SLC15A3: variants seen among roughly 807,000 people sequenced by gnomAD.
SLC15A3 encodes solute carrier family 15 member 3.
A neutral mutation model predicts 49.2 loss-of-function variants in SLC15A3; 39 were observed. The observed-to-expected ratio is 0.79, with a 90% CI of 0.61 to 1.04. The LOEUF is 1.04. SLC15A3 is among the 50% of genes least tolerant of loss of function. SLC15A3 has a pLI of 0.00. For synonymous variants in SLC15A3, 339 were observed against 367.0 expected (o/e 0.92, Z 0.87); for missense variants, 758 against 794.8 (o/e 0.95, Z 0.56).
chr11:60,938,035 G>T lies in SLC15A3; in HGVS notation c.1436-10C>A. 6.2e-7 allele frequency: 1 copy of T among 1,613,120 alleles called. No homozygotes were observed. On this transcript the variant is annotated splice_polypyrimidine_tract_variant and intron_variant, in intron 6 of 7. Coordinates refer to ENST00000227880, the MANE Select transcript of SLC15A3 (RefSeq NM_016582.3). ...TAGGCAAACTCCAGGCCTGCAGAGG[G>T]GGAGCAGAGACGATCTCAGGGGCTG...
Position 60,937,887 on chromosome 11 carries a change from T to A in SLC15A3, c.1574A>T (p.His525Leu). 6.2e-7 allele frequency: 1 copy of A among 1,614,128 alleles called. No individual in the cohort carries two copies. Among genetic ancestry groups the A allele is most frequent in the South Asian group, 1.1e-5 (1 of 91,088 alleles). The change falls in exon 7 of 8, where the codon CAC (histidine) becomes CTC (leucine). Residue 525 changes from histidine (H) to leucine (L), a missense_variant. This residue lies in a region of SLC15A3 where 699 missense variants were observed against 706.7 expected (regional missense o/e 0.99). Coordinates refer to ENST00000227880, the MANE Select transcript of SLC15A3 (RefSeq NM_016582.3). ...ATACTCACCAAAGTCCTTGGGGCAG[T>A]GCAGCCAGCCCCCGGGCAAGGACAG... ...ALLSLPGGWL[H>L]CPKDFGNINN...
Position 60,937,865 on chromosome 11 carries a change from C to T in SLC15A3, c.1591+5G>A, listed in dbSNP as rs1856644137. ...GTCCCACTCCTGGGGAGGCCCCATA[C>T]TCACCAAAGTCCTTGGGGCAGTGCA... On this transcript the variant is annotated splice_donor_5th_base_variant and intron_variant, in intron 7 of 7. Coordinates refer to ENST00000227880, the MANE Select transcript of SLC15A3 (RefSeq NM_016582.3). 6 of 1,613,506 alleles carry T rather than the reference C, an allele frequency of 3.7e-6. No individual in the cohort carries two copies. Among genetic ancestry groups the T allele is most frequent in the Non-Finnish European group, 5.1e-6 (6 of 1,179,686 alleles).
intron 3 of SLC15A3, 47 bp from the exon 4 acceptor site, chr11:60,942,192 C>A: frequency 2.6e-6 from 4 of 1,514,050 alleles, no homozygotes; most frequent in Non-Finnish European, 2.8e-6. Flanking sequence ...CGGCCATGCC[C>A]CCTCCCAACT....
At chr11:60,939,761 G>T in intron 5 of SLC15A3, 123 bp from the exon 6 acceptor site, 1 of 1,183,494 alleles carries the variant, frequency 8.4e-7, no homozygotes, top group East Asian at 2.5e-5. Flanking sequence ...CAGCAGGCAA[G>T]GAAAAGAATG....
intron 1 of SLC15A3, 114 bp from the exon 2 acceptor site, chr11:60,946,935 C>T (rs1247480169): frequency 1.6e-5 from 18 of 1,125,694 alleles, no homozygotes; most frequent in Middle Eastern, 3.0e-4. Context: ...GTGGGCGTTC[C>T]GACACTTTCC....
chr11:60,945,890 G>A (rs983721204), intron 2 of SLC15A3, among the ~76,000 whole-genome samples: 7 of 152,260 alleles, frequency 4.6e-5, no homozygotes, highest in South Asian at 2.1e-4. Context: ...ACTGTCATCC[G>A]CATTGCCAAT....
chr11:60,941,262 T>C lies in SLC15A3; in HGVS notation c.1136A>G (p.Asn379Ser), dbSNP rs144904455. ...GACCAGAATCAGCACCACCACAACA[T>C]TGGCCAGGAGGAGCCAGGCTTCCGG... Reference protein sequence around the residue: ...TIPEAWLLLANVVVVLILVPL... With the variant: ...TIPEAWLLLASVVVVLILVPL... Residue 379 changes from asparagine (N) to serine (S), a missense_variant, in exon 5 of 8, where the codon AAT becomes AGT. By Grantham distance (46) the Asn-to-Ser change is conservative (BLOSUM62 1). Transcript: ENST00000227880. 393 of 1,613,906 alleles carry C rather than the reference T, an allele frequency of 2.4e-4. No individual in the cohort carries two copies. In the South Asian group the frequency reaches 3.2e-3, roughly 13 times the overall value.
At chr11:60,942,592 G>A (rs919684703) in intron 3 of SLC15A3, 9 of 170,084 alleles carry the variant, frequency 5.3e-5, no homozygotes, top group Admixed American at 2.9e-4. Context: ...GCAGGAGCAG[G>A]GCCCAGGGGC....
intron 5 of SLC15A3, 26 bp from the exon 6 acceptor site, chr11:60,939,664 T>C (rs755958836): frequency 6.2e-7 from 1 of 1,612,080 alleles, no homozygotes. Context: ...AGGGGGATTA[T>C]AGTCAGGCCC....
chr11:60,946,427 A>C, intron 2 of SLC15A3, 105 bp downstream of exon 2: 1 of 1,283,278 alleles, frequency 7.8e-7, no homozygotes, highest in Non-Finnish European at 1.1e-6. Flanking sequence ...AAAAGCTATC[A>C]CTGTAGCTGA....
Position 60,941,272 on chromosome 11 carries a change from G to A in SLC15A3, c.1126C>T (p.Leu376Phe). The change falls in exon 5 of 8, where the codon CTC becomes TTC. Residue 376 changes from leucine to phenylalanine, a missense_variant. Leu to Phe is a conservative substitution (Grantham distance 22). This residue lies in a region of SLC15A3 where 699 missense variants were observed against 706.7 expected (regional missense o/e 0.99). Transcript: ENST00000227880. ...SSYTIPEAWLLLANVVVVLIL... is the reference protein window; with the variant it reads ...SSYTIPEAWLFLANVVVVLIL... ...AGCACCACCACAACATTGGCCAGGA[G>A]GAGCCAGGCTTCCGGGATCTGGGCA... is the stretch of plus-strand genomic sequence containing the variant. 1 of 1,613,888 alleles carries A rather than the reference G, an allele frequency of 6.2e-7. No individual in the cohort carries two copies. The highest frequency in any genetic ancestry group is 1.1e-5 in the South Asian group (1 of 90,970).
At chr11:60,946,478 G>A (rs560484244) in intron 2 of SLC15A3, 54 bp downstream of exon 2, 172 of 1,505,276 alleles carry the variant, frequency 1.1e-4, no homozygotes, top group African/African-American at 2.5e-4. Context: ...CCCCGGGAGC[G>A]ATCCAGCGCT....
At chr11:60,945,165 C>T (rs1856782932) in intron 2 of SLC15A3, among the ~76,000 whole-genome samples, 1 of 152,216 alleles carries the variant, frequency 6.6e-6, no homozygotes, top group African/African-American at 2.4e-5. Context: ...CCGGAACATT[C>T]ATTCTTGGAA....
At chr11:60,944,306 G>A (rs1048354724) in intron 2 of SLC15A3, among the ~76,000 whole-genome samples, 11 of 151,938 alleles carry the variant, frequency 7.2e-5, no homozygotes, top group Admixed American at 3.9e-4. Context: ...CCTCCACCCC[G>A]CTGTTAGCAC....
intron 2 of SLC15A3, among the ~76,000 whole-genome samples, chr11:60,945,953 T>C (rs2134935052): frequency 6.6e-6 from 1 of 152,312 alleles, no homozygotes; most frequent in Non-Finnish European, 1.5e-5. Context: ...CTTACTACCA[T>C]CTTCACTGTC....
Position 60,943,696 on chromosome 11 carries a change from T to G in SLC15A3, c.989A>C (p.Tyr330Ser). 6.4e-7 allele frequency: 1 copy of G among 1,573,934 alleles called. No homozygotes were observed. Residue 330 changes from tyrosine (Y) to serine (S), a missense_variant, in exon 3 of 8, where the codon TAC becomes TCC. Transcript: ENST00000227880. ...MVTLVPYWMV[Y>S]FQMQSTYVLQ... ...AAGGGCAGGTATGCTCACCTGGAAGTAGACCATCCAGTAGGGCACCAGGGT... is the reference window on the plus strand; with the variant it reads ...AAGGGCAGGTATGCTCACCTGGAAGGAGACCATCCAGTAGGGCACCAGGGT...
intron 6 of SLC15A3, among the ~76,000 whole-genome samples, chr11:60,938,999 A>C: frequency 6.9e-6 from 1 of 144,700 alleles, no homozygotes; most frequent in Non-Finnish European, 1.5e-5. Context: ...AGCCCGGGGA[A>C]GGGGGTTGGG....
intron 4 of SLC15A3, chr11:60,941,547 G>T: frequency 2.3e-6 from 1 of 439,814 alleles, no homozygotes; most frequent in Non-Finnish European, 4.0e-6. Context: ...CATAAAAAAA[G>T]TCATGATTGA....
Position 60,951,444 on chromosome 11 carries a change from CG to C in SLC15A3, c.107del (p.Ala36GlyfsTer152). 1.4e-6 allele frequency: 2 copies of C among 1,441,198 alleles called. No individual in the cohort carries two copies. The allele number at this position is 1,441,198 out of a possible 1,614,324, so 89.3% of individuals were successfully genotyped here. A position where few individuals can be genotyped will look rare whatever the true frequency, so the allele number is the denominator to read the frequency against. ...CCAGCATCTCCACCAGCAGCACGGC[CG>C]CGCCCGCCGCCCGCCGCCACCGTCG... ...GPRRWRRAAGAAVLLVEMLER... is the reference protein window; with the variant it reads ...GPRRWRRAAGXAVLLVEMLER... On this transcript the variant is annotated frameshift_variant, in exon 1 of 8. Transcript: ENST00000227880. LOFTEE classifies it high-confidence loss of function.
Sources: allele counts gnomAD v4.1 joint callset (sites outside exome capture counted in the v4.1 genomes callset), GRCh38; gene constraint gnomAD v4.1.1; regional missense constraint gnomAD v4.1.1; transcripts MANE v1.5; gene names NCBI Gene and HGNC (gene_info 2026-07-23, HGNC 2026-07-21).